Variants in ZNF618 observed in about 807,000 individuals in gnomAD.
ZNF618 encodes the protein zinc finger protein 618, also known as neural precursor cell expressed, developmentally down-regulated 10.
Under a neutral mutation model 103.0 loss-of-function variants are expected in ZNF618, and 34 were observed. The ratio of observed to expected loss-of-function variants is 0.33; its 90% CI spans 0.25 to 0.44. The LOEUF (loss-of-function observed/expected upper bound fraction) is 0.44. Among genes scored for constraint, ZNF618 ranks in the 20% least tolerant of loss-of-function variants. The pLI is 1.00. For synonymous variants in ZNF618, 551 were observed against 542.2 expected (o/e 1.02, Z -0.23); for missense variants, 1,059 against 1,295.4 (o/e 0.82, Z 2.80).
At chr9:114,022,264 G>A (rs1843137695) in intron 10 of ZNF618, among the ~76,000 whole-genome samples, 1 of 151,846 alleles carries the variant, frequency 6.6e-6, no homozygotes, top group Non-Finnish European at 1.5e-5. Flanking sequence ...GGGTATCAGA[G>A]TATTGCAGGC....
intron 2 of ZNF618, among the ~76,000 whole-genome samples, chr9:113,980,442 GAACT>G (rs1838869910): frequency 6.6e-6 from 1 of 152,038 alleles, no homozygotes; most frequent in Admixed American, 6.6e-5. Context: ...TTAATATTTA[GAACT>G]AAAGAGTCTA....
intron 1 of ZNF618, among the ~76,000 whole-genome samples, chr9:113,896,323 C>T (rs888760305): frequency 1.3e-5 from 2 of 152,112 alleles, no homozygotes; most frequent in Non-Finnish European, 2.9e-5. Flanking sequence ...CTGAGTACAT[C>T]TTTGGTCACT....
At chr9:114,017,240 G>A (rs1394213454) in intron 10 of ZNF618, among the ~76,000 whole-genome samples, 1 of 152,176 alleles carries the variant, frequency 6.6e-6, no homozygotes, top group Non-Finnish European at 1.5e-5. Context: ...GTCCTTGATG[G>A]TGGGAAGCTA....
intron 5 of ZNF618, 34 bp downstream of exon 5, chr9:114,002,107 GC>G (rs763977011): frequency 1.1e-4 from 167 of 1,584,282 alleles, no homozygotes; most frequent in Non-Finnish European, 1.3e-4. Context: ...GAGCCCAGGG[GC>G]CGCACCTCCC....
At chr9:113,953,078 G>A (rs1284529162) in intron 1 of ZNF618, among the ~76,000 whole-genome samples, 1 of 152,180 alleles carries the variant, frequency 6.6e-6, no homozygotes, top group South Asian at 2.1e-4. Context: ...TGCTCCCAGG[G>A]TCTACTGTAT....
chr9:113,952,725 G>A (rs1421129249), intron 1 of ZNF618, among the ~76,000 whole-genome samples: 1 of 152,204 alleles, frequency 6.6e-6, no homozygotes, highest in African/African-American at 2.4e-5. Flanking sequence ...GAAGTCTCAG[G>A]AAAGTGACAG....
intron 1 of ZNF618, among the ~76,000 whole-genome samples, chr9:113,956,847 T>A (rs1173828068): frequency 6.6e-6 from 1 of 152,254 alleles, no homozygotes; most frequent in African/African-American, 2.4e-5. Context: ...ATAAATCATT[T>A]TATAAAAAGT....
At chr9:113,943,802 C>T (rs1178228550) in intron 1 of ZNF618, among the ~76,000 whole-genome samples, 1 of 152,058 alleles carries the variant, frequency 6.6e-6, no homozygotes, top group Non-Finnish European at 1.5e-5. Context: ...TCGGCTGTGC[C>T]CTGTGTAGCC....
At chr9:113,964,365 G>C (rs2132651496) in intron 1 of ZNF618, among the ~76,000 whole-genome samples, 1 of 152,242 alleles carries the variant, frequency 6.6e-6, no homozygotes, top group Non-Finnish European at 1.5e-5. Flanking sequence ...TTAGAATTAT[G>C]GGCGCCCCAG....
In ZNF618 at chr9:114,036,854, C is replaced by T. The variant is rs183211189; in HGVS notation, c.1246+477C>T. On this transcript the variant is annotated intron_variant, in intron 13 of 14. Transcript: ENST00000374126. The stretch of plus-strand genomic sequence containing the variant: ...CCCTATGTCCCAGAATGCAGTTGCG[C>T]CCAAACCTGAGGACACATCAGAATT... 3.0e-4 allele frequency among the ~76,000 whole-genome samples: 46 copies of T among 152,304 alleles called. 1 individual carries two copies. In the East Asian group the frequency reaches 6.8e-3, roughly 22 times the overall value.
chr9:113,969,175 C>T lies in ZNF618; in HGVS notation c.77+15C>T. 1.2e-6 allele frequency: 2 copies of T among 1,613,962 alleles called. No homozygotes were observed. Among genetic ancestry groups the T allele is most frequent in the South Asian group, 2.2e-5 (2 of 91,078 alleles). On this transcript the variant is annotated intron_variant, in intron 2 of 14. Transcript: ENST00000374126. ...ACTGCGAGCAGGTACACTCCCTCTC[C>T]CGCCCCCAGCTTGTCCACCCATCGA...
chr9:114,039,622 A>G (rs1366181116), intron 13 of ZNF618, among the ~76,000 whole-genome samples: 2 of 152,134 alleles, frequency 1.3e-5, no homozygotes, highest in Non-Finnish European at 2.9e-5. Flanking sequence ...AAGTGCTGGG[A>G]TTACAGGCGT....
Position 113,955,077 on chromosome 9 carries a change from C to T in ZNF618, c.34-14040C>T, listed in dbSNP as rs536794237. Among the ~76,000 whole-genome samples, 38 of 152,058 alleles carry T rather than the reference C, an allele frequency of 2.5e-4. No individual in the cohort carries two copies. In the South Asian group the frequency reaches 2.9e-3, roughly 12 times the overall value. On this transcript the variant is annotated intron_variant, in intron 1 of 14. Coordinates refer to ENST00000374126, the MANE Select transcript of ZNF618 (RefSeq NM_001318042.2). ...CTGTCTCCTGTTTGCCTTCTCTATT[C>T]ACTCATCACCTGTGTTCTCAAATCC...
intron 1 of ZNF618, among the ~76,000 whole-genome samples, chr9:113,894,579 G>T (rs1564139083): frequency 1.3e-5 from 2 of 152,136 alleles, no homozygotes; most frequent in African/African-American, 4.8e-5. Flanking sequence ...ACAATATTAT[G>T]TTTTTTCCAC....
At chr9:113,938,175 T>G (rs1027084314) in intron 1 of ZNF618, among the ~76,000 whole-genome samples, 1 of 143,754 alleles carries the variant, frequency 7.0e-6, no homozygotes, top group Non-Finnish European at 1.5e-5. Flanking sequence ...GTTTTTTTTT[T>G]TTTTTTTTTT....
At chr9:114,000,008 C>A (rs566320148) in intron 4 of ZNF618, among the ~76,000 whole-genome samples, 1 of 152,328 alleles carries the variant, frequency 6.6e-6, no homozygotes, top group South Asian at 2.1e-4. Flanking sequence ...TCGCTGTGTG[C>A]CAATCACAGG....
chr9:113,915,201 T>C (rs1831955540), intron 1 of ZNF618, among the ~76,000 whole-genome samples: 1 of 152,224 alleles, frequency 6.6e-6, no homozygotes, highest in Non-Finnish European at 1.5e-5. Context: ...TCGGCATCAC[T>C]GAGTGCATCT....
intron 1 of ZNF618, among the ~76,000 whole-genome samples, chr9:113,938,803 CA>C (rs777525652): frequency 2.0e-5 from 3 of 152,164 alleles, no homozygotes; most frequent in Non-Finnish European, 4.4e-5. Flanking sequence ...CTCCTGACCT[CA>C]AGTGATTCAG....
chr9:113,885,224 G>T (rs1828952384), intron 1 of ZNF618, among the ~76,000 whole-genome samples: 2 of 152,132 alleles, frequency 1.3e-5, no homozygotes, highest in Admixed American at 1.3e-4. Context: ...TTTGGGACAG[G>T]TTTGCTGCTT....
Sources: allele counts gnomAD v4.1 joint callset (sites outside exome capture counted in the v4.1 genomes callset), GRCh38; gene constraint gnomAD v4.1.1; transcripts MANE v1.5; gene names NCBI Gene and HGNC (gene_info 2026-07-23, HGNC 2026-07-21).